Variants in CHTF8 observed in about 807,000 individuals in gnomAD.
CHTF8 encodes chromosome transmission fidelity factor 8.
A neutral mutation model predicts 11.0 loss-of-function variants in CHTF8; 6 were observed. That is an observed-to-expected ratio of 0.55 (90% CI 0.30 to 1.08). The LOEUF (loss-of-function observed/expected upper bound fraction) is 1.08, where lower values mean the gene tolerates loss of function less well. CHTF8 is among the 50% of genes least tolerant of loss of function. The pLI is 0.07. For missense variants in CHTF8, 140 were observed against 153.1 expected, an observed-to-expected ratio of 0.91 and a Z score of 0.45; for synonymous variants, 53 against 60.5, an observed-to-expected ratio of 0.88 and a Z score of 0.57.
At chr16:69,128,363 A>G (rs1459731730) in intron 1 of CHTF8, among the ~76,000 whole-genome samples, 1 of 152,202 alleles carries the variant, frequency 6.6e-6, no homozygotes, top group African/African-American at 2.4e-5. Context: ...TAAATTCATT[A>G]TATTACAGTG....
At chr16:69,132,450 C>T (rs1480052382) in intron 1 of CHTF8, 34 bp downstream of exon 1, 2 of 182,644 alleles carry the variant, frequency 1.1e-5, no homozygotes, top group African/African-American at 5.8e-5. Flanking sequence ...CCTCGCTCCC[C>T]GCAGCCTCCC....
chr16:69,118,473 C>G lies in CHTF8; in HGVS notation c.*1952G>C. 6.7e-7 allele frequency: 1 copy of G among 1,502,290 alleles called. No individual in the cohort carries two copies. The highest frequency in any genetic ancestry group is 1.7e-4 in the Middle Eastern group (1 of 5,856). The allele number at this position is 1,502,290 out of a possible 1,614,324, so 93.1% of individuals were successfully genotyped here. ...TCTAGAGAGCAGTGAGCTGATTCTC[C>G]AATGGTGAGCAGGGGACTACATGTG... On this transcript the variant is annotated 3_prime_UTR_variant, in exon 4 of 4. Transcript: ENST00000448552.
chr16:69,125,220 T>G (rs1007731596), intron 1 of CHTF8, among the ~76,000 whole-genome samples: 1 of 152,214 alleles, frequency 6.6e-6, no homozygotes, highest in Non-Finnish European at 1.5e-5. Context: ...CTAGACTTTT[T>G]AAATTCAAAT....
At chr16:69,129,408 C>T (rs1388163967) in intron 1 of CHTF8, among the ~76,000 whole-genome samples, 2 of 110,776 alleles carry the variant, frequency 1.8e-5, no homozygotes, top group Non-Finnish European at 3.3e-5. Context: ...CCAGCCTAGG[C>T]AACAGAGCGA....
intron 1 of CHTF8, among the ~76,000 whole-genome samples, chr16:69,125,124 G>A (rs770868120): frequency 2.6e-5 from 4 of 152,002 alleles, no homozygotes; most frequent in African/African-American, 4.8e-5. Context: ...GGCTGGTCTC[G>A]AACTCCCAAC....
At chr16:69,121,300 A>C in intron 2 of CHTF8, 130 bp from the exon 3 acceptor site, 2 of 1,221,702 alleles carry the variant, frequency 1.6e-6, no homozygotes, top group East Asian at 4.7e-5. Context: ...GGGCAGTGCT[A>C]GGCATGGAAC....
chr16:69,122,085 C>T (rs116763273), intron 1 of CHTF8, among the ~76,000 whole-genome samples: 203 of 152,216 alleles, frequency 1.3e-3, no homozygotes, highest in African/African-American at 4.5e-3. Context: ...CATGCCTGGC[C>T]GACAACTAAT....
intron 1 of CHTF8, among the ~76,000 whole-genome samples, chr16:69,127,358 T>C (rs941180397): frequency 1.3e-5 from 2 of 151,994 alleles, no homozygotes; most frequent in Non-Finnish European, 2.9e-5. Flanking sequence ...AAATCCCTAT[T>C]AGAAATCACA....
intron 1 of CHTF8, among the ~76,000 whole-genome samples, chr16:69,124,924 GAC>G (rs1291688687): frequency 1.3e-5 from 2 of 150,338 alleles, no homozygotes; most frequent in Non-Finnish European, 3.0e-5. Context: ...CTTTTTTTGA[GAC>G]AGAGTTTCGC....
chr16:69,130,244 G>A (rs1475855515), intron 1 of CHTF8, among the ~76,000 whole-genome samples: 1 of 152,112 alleles, frequency 6.6e-6, no homozygotes, highest in East Asian at 1.9e-4. Flanking sequence ...AAGAGGCTTT[G>A]ACTCAACGGT....
At chr16:69,127,908 C>T (rs1228141427) in intron 1 of CHTF8, among the ~76,000 whole-genome samples, 1 of 150,878 alleles carries the variant, frequency 6.6e-6, no homozygotes, top group Admixed American at 6.6e-5. Flanking sequence ...CCGTGCCCGG[C>T]CAAATTTCTC....
chr16:69,130,513 CACTT>C (rs1368495748), intron 1 of CHTF8, among the ~76,000 whole-genome samples: 2 of 152,272 alleles, frequency 1.3e-5, no homozygotes, highest in Non-Finnish European at 1.5e-5. Context: ...GTGAAGCACT[CACTT>C]GTCATACAGA....
At chr16:69,122,859 AG>A (rs1961781251) in intron 1 of CHTF8, among the ~76,000 whole-genome samples, 1 of 150,762 alleles carries the variant, frequency 6.6e-6, no homozygotes, top group Admixed American at 6.6e-5. Context: ...TGTTATTTTT[AG>A]TAGAGATGGG....
Position 69,132,528 on chromosome 16 carries a change from G to C in CHTF8, c.-80C>G. On this transcript the variant is annotated 5_prime_UTR_variant, in exon 1 of 4. Coordinates refer to ENST00000448552, the MANE Select transcript of CHTF8 (RefSeq NM_001039690.5). The stretch of plus-strand genomic sequence containing the variant: ...GCGCGGCGCCGCGCGGCCAACGGGC[G>C]ACAACCGAACCTCCCGCCGCCGTCG... 1 of 335,784 alleles carries C rather than the reference G, an allele frequency of 3.0e-6. No individual in the cohort carries two copies. Among genetic ancestry groups the C allele is most frequent in the Non-Finnish European group, 5.8e-6 (1 of 172,490 alleles). 20.8% of individuals were successfully genotyped at this position (335,784 alleles called of 1,614,324 possible). A position where few individuals can be genotyped will look rare whatever the true frequency, so the allele number is the denominator to read the frequency against.
rs2152265615 is a variant in CHTF8, at chr16:69,119,939, GACC to G, written c.*483_*485del. On this transcript the variant is annotated 3_prime_UTR_variant, in exon 4 of 4. Coordinates refer to ENST00000448552, the MANE Select transcript of CHTF8 (RefSeq NM_001039690.5). ...CTGGGGTCAGGACCTGCTCCCAGGA[GACC>G]ACCTGCCCTTGGGTTGGACATAGGA... 2 of 702,188 alleles carry G rather than the reference GACC, an allele frequency of 2.8e-6. No individual in the cohort carries two copies. Among genetic ancestry groups the G allele is most frequent in the Non-Finnish European group, 2.6e-6 (1 of 384,438 alleles). 43.5% of individuals were successfully genotyped at this position (702,188 alleles called of 1,614,324 possible). A position where few individuals can be genotyped will look rare whatever the true frequency, so the allele number is the denominator to read the frequency against.
rs1961289929 is a variant in CHTF8, at chr16:69,118,086, C to G, written c.*2339G>C. The G allele has an allele frequency of 5.6e-6, 3 of 532,632 alleles. No homozygotes were observed. The South Asian group carries it at 6.9e-5, about 12-fold the overall frequency. 33.0% of individuals were successfully genotyped at this position (532,632 alleles called of 1,614,324 possible). On this transcript the variant is annotated 3_prime_UTR_variant, in exon 4 of 4. Coordinates refer to ENST00000448552, the MANE Select transcript of CHTF8 (RefSeq NM_001039690.5). ...AAAACCACCAACCATCCTTGCACAC[C>G]AGGCCGAACAAAGCACAGTGATTTC...
chr16:69,129,101 T>C (rs1324012290), intron 1 of CHTF8, among the ~76,000 whole-genome samples: 4 of 148,124 alleles, frequency 2.7e-5, no homozygotes, highest in Non-Finnish European at 4.5e-5. Flanking sequence ...AAAAAAAAAC[T>C]GGCAAATCAA....
intron 1 of CHTF8, among the ~76,000 whole-genome samples, chr16:69,125,612 C>T (rs766784181): frequency 6.6e-6 from 1 of 152,204 alleles, no homozygotes; most frequent in Non-Finnish European, 1.5e-5. Context: ...TTGAGTCAGA[C>T]CTTCTGCACC....
intron 1 of CHTF8, among the ~76,000 whole-genome samples, chr16:69,127,090 T>A (rs191385400): frequency 6.6e-6 from 1 of 151,960 alleles, no homozygotes; most frequent in Non-Finnish European, 1.5e-5. Context: ...ATACAAAAAT[T>A]AGCCGCGCGT....
Sources: allele counts gnomAD v4.1 joint callset (sites outside exome capture counted in the v4.1 genomes callset), GRCh38; gene constraint gnomAD v4.1.1; transcripts MANE v1.5; gene names NCBI Gene and HGNC (gene_info 2026-07-23, HGNC 2026-07-21).